Variants in CHAT observed in about 807,000 individuals in gnomAD.
The protein encoded by CHAT is choline O-acetyltransferase.
In CHAT, 61 loss-of-function variants were observed where a neutral mutation model predicts 76.9. The observed-to-expected ratio is 0.79, with a 90% CI of 0.65 to 0.98. CHAT has a LOEUF of 0.98. CHAT is among the 50% of genes least tolerant of loss of function. The probability of loss-of-function intolerance (pLI) is 0.00; values close to 1 mark genes in which losing one functional copy is unlikely to be tolerated. For synonymous variants in CHAT, 407 were observed against 397.4 expected (o/e 1.02, Z -0.29); for missense variants, 946 against 986.9 (o/e 0.96, Z 0.56).
chr10:49,654,817 G>C (rs1019063564), intron 11 of CHAT, among the ~76,000 whole-genome samples: 2 of 48,674 alleles, frequency 4.1e-5, no homozygotes, highest in Non-Finnish European at 1.5e-4. Context: ...TTCCCACCAG[G>C]TTGGGAATTT....
chr10:49,643,997 G>A (rs551395925), intron 7 of CHAT, among the ~76,000 whole-genome samples: 1 of 152,292 alleles, frequency 6.6e-6, no homozygotes, highest in African/African-American at 2.4e-5. Context: ...AGGGGCTGGT[G>A]GTCAGGGATT....
intron 6 of CHAT, 129 bp from the exon 7 acceptor site, chr10:49,627,479 G>A (rs541924886): frequency 8.4e-6 from 8 of 956,004 alleles, no homozygotes; most frequent in Non-Finnish European, 1.4e-5. Context: ...ACTGAGACTA[G>A]AACCACCAAA....
At position 49,655,410 on chromosome 10, in the gene CHAT, A is replaced by G. The variant is rs1399092731; in HGVS notation, c.1801A>G (p.Lys601Glu). ...VPASEKLLLL[K>E]DAIRAQTAYT... ...GGCTTCTGAGAAGCTTCTGCTCCTG[A>G]AGGATGCCATCCGTGCCCAGACTGC... The change falls in exon 13 of 15, where the codon AAG (lysine) becomes GAG (glutamate). Residue 601 changes from lysine (K) to glutamate (E), a missense_variant. Coordinates refer to ENST00000337653, the MANE Select transcript of CHAT (RefSeq NM_020549.5). 1 of 1,613,980 alleles carries G rather than the reference A, an allele frequency of 6.2e-7. No homozygotes were observed. Among genetic ancestry groups the G allele is most frequent in the African/African-American group, 1.3e-5 (1 of 74,936 alleles).
At chr10:49,649,689 T>A in intron 10 of CHAT, 53 bp downstream of exon 10, 1 of 1,604,676 alleles carries the variant, frequency 6.2e-7, no homozygotes, top group Non-Finnish European at 8.5e-7. Flanking sequence ...CACCCCGCCC[T>A]TGCCTACTAG....
intron 5 of CHAT, among the ~76,000 whole-genome samples, chr10:49,624,735 G>A (rs1264178043): frequency 1.3e-5 from 2 of 151,484 alleles, no homozygotes; most frequent in African/African-American, 4.8e-5. Context: ...ATGGACGGAT[G>A]GATGGATGGA....
upstream of CHAT, chr10:49,611,544 G>A: frequency 6.2e-7 from 1 of 1,603,620 alleles, no homozygotes; most frequent in East Asian, 2.2e-5. Context: ...CCTTCTCGGC[G>A]GCTGCACGGG....
intron 11 of CHAT, among the ~76,000 whole-genome samples, chr10:49,652,279 G>C (rs997157239): frequency 6.6e-6 from 1 of 151,774 alleles, no homozygotes; most frequent in Non-Finnish European, 1.5e-5. Context: ...GAAGAGCCAG[G>C]AGGGGATGAG....
At chr10:49,631,138 T>C (rs117804645) in intron 7 of CHAT, among the ~76,000 whole-genome samples, 6,413 of 152,180 alleles carry the variant, frequency 0.042, 208 homozygotes, top group Non-Finnish European at 0.063. Flanking sequence ...CCAAGAACGG[T>C]CATGCTGGAA....
intron 7 of CHAT, among the ~76,000 whole-genome samples, chr10:49,638,662 G>C (rs1334808306): frequency 1.3e-5 from 2 of 152,092 alleles, no homozygotes; most frequent in Non-Finnish European, 1.5e-5. Context: ...CAGTTTATTA[G>C]TGTTGAAATG....
At chr10:49,638,189 C>T (rs900002476) in intron 7 of CHAT, among the ~76,000 whole-genome samples, 1 of 152,142 alleles carries the variant, frequency 6.6e-6, no homozygotes, top group African/African-American at 2.4e-5. Flanking sequence ...ATATAATGCC[C>T]TTCTATGTCT....
rs1278530372 is a variant in CHAT at position 49,651,677 on chromosome 10, T to C, written c.1512-207T>C. ...ACTCAGCTGAGCTCACCTTGGGTCATAGTAGTCCTGGCCTGGTTTGTCTTC... is the reference window on the plus strand; with the variant it reads ...ACTCAGCTGAGCTCACCTTGGGTCACAGTAGTCCTGGCCTGGTTTGTCTTC... On this transcript the variant is annotated intron_variant, in intron 10 of 14. Coordinates refer to ENST00000337653, the MANE Select transcript of CHAT (RefSeq NM_020549.5). The C allele has an allele frequency of 2.5e-5, 14 of 562,190 alleles. No homozygotes were observed. In the Admixed American group the frequency reaches 3.3e-4, roughly 13 times the overall value. The allele number at this position is 562,190 out of a possible 1,614,324, so 34.8% of individuals were successfully genotyped here.
chr10:49,631,753 G>T lies in CHAT; in HGVS notation c.1111+3968G>T, dbSNP rs539537976. ...GAGAGAAGTTCCCAGATGTGATACT[G>T]GCCATGGGTGCAGGGGTGAGACTGT... On this transcript the variant is annotated intron_variant, in intron 7 of 14. Transcript: ENST00000337653. Among the ~76,000 whole-genome samples, 6 of 152,284 alleles carry T rather than the reference G, an allele frequency of 3.9e-5. No homozygotes were observed. The South Asian group carries it at 8.3e-4, about 21-fold the overall frequency.
intron 13 of CHAT, among the ~76,000 whole-genome samples, chr10:49,657,626 T>C (rs1243062422): frequency 6.6e-6 from 1 of 152,192 alleles, no homozygotes; most frequent in Non-Finnish European, 1.5e-5. Context: ...GTACGGAAAT[T>C]AATTGGTTAA....
chr10:49,661,720 CCT>C (rs919633304), intron 13 of CHAT, among the ~76,000 whole-genome samples: 3 of 152,050 alleles, frequency 2.0e-5, no homozygotes, highest in African/African-American at 7.2e-5. Context: ...AGGGTGGCCC[CCT>C]GAGTCTCCAT....
chr10:49,634,549 C>G (rs1194395547), intron 7 of CHAT, among the ~76,000 whole-genome samples: 1 of 152,214 alleles, frequency 6.6e-6, no homozygotes, highest in Non-Finnish European at 1.5e-5. Flanking sequence ...GTGCATTTTG[C>G]TTTCCCTGGG....
intron 7 of CHAT, among the ~76,000 whole-genome samples, chr10:49,630,200 C>A (rs1839068990): frequency 6.6e-6 from 1 of 152,038 alleles, no homozygotes; most frequent in African/African-American, 2.4e-5. Flanking sequence ...CATAAATGAT[C>A]CTTAAAGTCA....
chr10:49,620,103 G>T (rs1188414832), intron 3 of CHAT, among the ~76,000 whole-genome samples, 187 bp downstream of exon 3: 2 of 152,070 alleles, frequency 1.3e-5, no homozygotes, highest in African/African-American at 4.8e-5. Flanking sequence ...ACAAGGATGA[G>T]AAACAAACAA....
rs866426386 is a variant in CHAT, at chr10:49,619,915, G to A, written c.578G>A (p.Trp193Ter). Residue 193 changes from tryptophan to a stop codon, truncating the protein, a stop_gained and splice_region_variant, in exon 3 of 15, where the codon TGG (tryptophan) becomes TAG (stop). Coordinates refer to ENST00000337653, the MANE Select transcript of CHAT (RefSeq NM_020549.5). LOFTEE classifies it high-confidence loss of function. ...GAGCGGCAGGAGAAGACAGCCAACTGGGTAAGAGGGGCAGACAAGGAACCC... is the reference window on the plus strand; with the variant it reads ...GAGCGGCAGGAGAAGACAGCCAACTAGGTAAGAGGGGCAGACAAGGAACCC... ...LLERQEKTAN[W>*]VSEYWLNDMY... 1 of 1,610,310 alleles carries A rather than the reference G, an allele frequency of 6.2e-7. No individual in the cohort carries two copies. The highest frequency in any genetic ancestry group is 2.2e-5 in the East Asian group (1 of 44,728).
In CHAT at chr10:49,614,232, G is replaced by A. The variant is rs1838388018; in HGVS notation, c.43G>A (p.Gly15Arg). Residue 15 changes from glycine (G) to arginine (R), a missense_variant, in exon 1 of 15, where the codon GGG becomes AGG. Transcript: ENST00000337653. ...GAAGAAGAGGGGGCTTGGGGGAGGG[G>A]GGAAATGGAAGAGAGAGGAGGGAGG... Reference protein sequence around the residue: ...TAKKRGLGGGGKWKREEGGGT... With the variant: ...TAKKRGLGGGRKWKREEGGGT... 11 of 1,540,392 alleles carry A rather than the reference G, an allele frequency of 7.1e-6. No individual in the cohort carries two copies. The highest frequency in any genetic ancestry group is 2.4e-5 in the South Asian group (2 of 83,582).
Sources: gnomAD v4.1 joint callset for allele counts (sites outside exome capture counted in the v4.1 genomes callset) on GRCh38, gnomAD v4.1.1 for gene constraint, MANE v1.5 for transcripts, NCBI Gene and HGNC (gene_info 2026-07-23, HGNC 2026-07-21) for gene names.